The following COL6A3 variants were observed in gnomAD, a reference collection of about 807,000 sequenced individuals.
COL6A3 encodes the protein collagen type VI alpha 3 chain.
A neutral mutation model predicts 274.1 loss-of-function variants in COL6A3; 137 were observed. That is an observed-to-expected ratio of 0.50 (90% CI 0.44 to 0.58). The LOEUF (loss-of-function observed/expected upper bound fraction) is 0.58. Ranked by LOEUF, COL6A3 falls within the 20% of genes least tolerant of loss-of-function variation. The pLI is 0.00. For missense variants in COL6A3, 3,950 were observed against 4,124.9 expected (o/e 0.96, Z 1.16); for synonymous variants, 1,650 against 1,650.6 (o/e 1.00, Z 0.01).
chr2:237,353,215 G>A (rs1340533680), intron 25 of COL6A3, 126 bp downstream of exon 25: 5 of 896,640 alleles, frequency 5.6e-6, no homozygotes, highest in Non-Finnish European at 8.9e-6. Context: ...CATTGTGGAA[G>A]TACCAAATGC....
intron 1 of COL6A3, among the ~76,000 whole-genome samples, chr2:237,412,730 G>T (rs569242091): frequency 4.5e-4 from 69 of 152,332 alleles, no homozygotes; most frequent in African/African-American, 1.6e-3. Context: ...ACCCTGGGGA[G>T]CTGGGGGATC....
At position 237,351,147 on chromosome 2, in the gene COL6A3, C is replaced by T. The variant is rs749855513; in HGVS notation, c.6799G>A (p.Gly2267Ser). Residue 2267 changes from glycine (G) to serine (S), a missense_variant, in exon 27 of 44, where the codon GGT (glycine) becomes AGT (serine). This residue lies in a region of COL6A3 where 1,284 missense variants were observed against 1,349.7 expected (regional missense o/e 0.95). Coordinates refer to ENST00000295550, the MANE Select transcript of COL6A3 (RefSeq NM_004369.4). ...AGACAAACCTTTCTTCCCAGTGGAC[C>T]GGTTCTGCCTCGTTCTCCAGGAGCA... ...AGAPGERGRTGPLGRKGEPGE... is the reference protein window; with the variant it reads ...AGAPGERGRTSPLGRKGEPGE... The T allele has an allele frequency of 4.3e-6, 7 of 1,614,092 alleles. No individual in the cohort carries two copies. The highest frequency in any genetic ancestry group is 5.1e-6 in the Non-Finnish European group (6 of 1,180,032).
chr2:237,402,492 G>C lies in COL6A3; in HGVS notation c.-30-5645C>G, dbSNP rs546741376. 3.0e-4 allele frequency among the ~76,000 whole-genome samples: 46 copies of C among 152,150 alleles called. 1 individual carries two copies. The highest frequency in any genetic ancestry group is 6.0e-4 in the Non-Finnish European group (41 of 68,016). ...TAGCCATCAATTTAACAGGAATGATGTAAGTGCAGCATCTCTTTTTTGAGG... is the reference window on the plus strand; with the variant it reads ...TAGCCATCAATTTAACAGGAATGATCTAAGTGCAGCATCTCTTTTTTGAGG... On this transcript the variant is annotated intron_variant, in intron 1 of 43. Transcript: ENST00000295550.
At chr2:237,389,994 T>C (rs1260851580) in intron 3 of COL6A3, among the ~76,000 whole-genome samples, 3 of 152,142 alleles carry the variant, frequency 2.0e-5, no homozygotes, top group African/African-American at 4.8e-5. Flanking sequence ...CAGAAGGCCA[T>C]AGAAATGGCC....
chr2:237,326,779 A>G (rs1460845643), intron 42 of COL6A3: 1 of 152,236 alleles, frequency 6.6e-6, no homozygotes, highest in Non-Finnish European at 1.5e-5. Context: ...GGAGGTGGTG[A>G]GCATCTGTGC....
Position 237,372,270 on chromosome 2 carries a change from C to G in COL6A3, c.3747G>C (p.Gln1249His), listed in dbSNP as rs751272519. The change falls in exon 9 of 44, where the codon CAG (glutamine) becomes CAC (histidine). Residue 1249 changes from glutamine to histidine, a missense_variant. By Grantham distance (24) the Gln-to-His change is conservative (BLOSUM62 0). Transcript: ENST00000295550. ...GCCTCTCTATGAGGGTGCGAACGTA[C>G]TGGAACTCAGGCCCGGCACTTTGGG... Reference protein sequence around the residue: ...DGSQSAGPEFQYVRTLIERLV... With the variant: ...DGSQSAGPEFHYVRTLIERLV... The G allele has an allele frequency of 2.5e-6, 4 of 1,613,580 alleles. No individual in the cohort carries two copies. The Admixed American group carries it at 6.7e-5, about 27-fold the overall frequency.
chr2:237,371,656 A>T lies in COL6A3; in HGVS notation c.4285+76T>A. The T allele has an allele frequency of 6.6e-7, 1 of 1,517,240 alleles. No homozygotes were observed. The highest frequency in any genetic ancestry group is 8.8e-7 in the Non-Finnish European group (1 of 1,136,390). The allele number at this position is 1,517,240 out of a possible 1,614,324, so 94.0% of individuals were successfully genotyped here. A position where few individuals can be genotyped will look rare whatever the true frequency, so the allele number is the denominator to read the frequency against. ...CTTTATTTTAATTTAATTTATTATGAGTACCATGGCCTTTGAGCCTGTTAT... is the reference window on the plus strand; with the variant it reads ...CTTTATTTTAATTTAATTTATTATGTGTACCATGGCCTTTGAGCCTGTTAT... On this transcript the variant is annotated intron_variant, in intron 9 of 43. Coordinates refer to ENST00000295550, the MANE Select transcript of COL6A3 (RefSeq NM_004369.4). This position sits in a 1 kb window ranked among gnomAD's most constrained non-coding sequence, Gnocchi z 4.3.
Position 237,344,571 on chromosome 2 carries a change from T to C in COL6A3, c.7447A>G (p.Lys2483Glu), listed in dbSNP as rs139260335. Residue 2483 changes from lysine to glutamate, a missense_variant, in exon 36 of 44, where the codon AAA becomes GAA. Coordinates refer to ENST00000295550, the MANE Select transcript of COL6A3 (RefSeq NM_004369.4). This position sits in a 1 kb window ranked among gnomAD's most constrained non-coding sequence, Gnocchi z 4.8. Reference protein sequence around the residue: ...IKNLQVALTSKQQSLETAMSF... With the variant: ...IKNLQVALTSEQQSLETAMSF... Reference sequence around the variant, plus strand: ...ATGGCAGTCTCCAGACTCTGCTGTTTGGATGTCAGAGCCACCTGAAGGTTC... The same window carrying C: ...ATGGCAGTCTCCAGACTCTGCTGTTCGGATGTCAGAGCCACCTGAAGGTTC... 7.2e-4 allele frequency: 1,158 copies of C among 1,614,090 alleles called. 1 individual carries two copies. Among genetic ancestry groups the C allele is most frequent in the Non-Finnish European group, 8.8e-4 (1,036 of 1,180,032 alleles).
chr2:237,398,070 G>A lies in COL6A3; in HGVS notation c.-30-1223C>T, dbSNP rs182452395. Among the ~76,000 whole-genome samples the A allele has an allele frequency of 4.6e-5, 7 of 152,338 alleles. No individual in the cohort carries two copies. The East Asian group carries it at 5.8e-4, about 13-fold the overall frequency. ...GAAAGTTTCAGTTTATGGAGAGAAC[G>A]GGCTTTGCCCAAATTACACCAAATG... On this transcript the variant is annotated intron_variant, in intron 1 of 43. Coordinates refer to ENST00000295550, the MANE Select transcript of COL6A3 (RefSeq NM_004369.4).
At chr2:237,336,035 A>G (rs566191898) in intron 40 of COL6A3, 100 bp downstream of exon 40, 2 of 1,444,290 alleles carry the variant, frequency 1.4e-6, no homozygotes, top group African/African-American at 2.8e-5. Flanking sequence ...CAGATCAAGG[A>G]CTGTATTCTG....
Position 237,381,503 on chromosome 2 carries a change from T to C in COL6A3, c.1313-4A>G. 4 of 1,598,084 alleles carry C rather than the reference T, an allele frequency of 2.5e-6. No individual in the cohort carries two copies. Among genetic ancestry groups the C allele is most frequent in the Non-Finnish European group, 3.4e-6 (4 of 1,177,340 alleles). Reference sequence around the variant, plus strand: ...TCTCTCTTGTTGACTTCAATGACTGTAGGTGGCAACATTATAAGGCAATTA... The same window carrying C: ...TCTCTCTTGTTGACTTCAATGACTGCAGGTGGCAACATTATAAGGCAATTA... On this transcript the variant is annotated splice_polypyrimidine_tract_variant and splice_region_variant and intron_variant, in intron 4 of 43. Transcript: ENST00000295550.
chr2:237,344,781 C>T lies in COL6A3; in HGVS notation c.7237G>A (p.Val2413Ile). Residue 2413 changes from valine to isoleucine, a missense_variant, in exon 36 of 44, where the codon GTC (valine) becomes ATC (isoleucine). Val to Ile is a conservative substitution (Grantham distance 29). Around this residue, in one of 5 missense-constraint regions of COL6A3, gnomAD observed 1,284 missense variants for 1,349.7 expected, o/e 0.95. Coordinates refer to ENST00000295550, the MANE Select transcript of COL6A3 (RefSeq NM_004369.4). The surrounding 1 kb of genome is among the most constrained non-coding windows in gnomAD (Gnocchi z 4.8). ...LAFALDTSEG[V>I]NQDTFGRMRD... ...ATCCGGCCGAAAGTGTCTTGGTTGA[C>T]TCCCTCAGAGGTGTCTAAAGCAAAG... The T allele has an allele frequency of 6.2e-7, 1 of 1,604,826 alleles. No homozygotes were observed. Among genetic ancestry groups the T allele is most frequent in the Non-Finnish European group, 8.5e-7 (1 of 1,176,082 alleles).
At chr2:237,389,493 G>A (rs1240385059) in intron 3 of COL6A3, among the ~76,000 whole-genome samples, 1 of 152,148 alleles carries the variant, frequency 6.6e-6, no homozygotes, top group Non-Finnish European at 1.5e-5. Flanking sequence ...TCTTTTCAAT[G>A]ACAGTGAACA....
At chr2:237,386,967 T>C (rs118014997) in intron 4 of COL6A3, among the ~76,000 whole-genome samples, 1,850 of 152,304 alleles carry the variant, frequency 0.012, 66 homozygotes, top group Admixed American at 0.059. Flanking sequence ...CCATTTGAGC[T>C]TGTATCCTAA....
chr2:237,354,593 G>T (rs2077276580), intron 24 of COL6A3, among the ~76,000 whole-genome samples: 2 of 152,096 alleles, frequency 1.3e-5, no homozygotes, highest in Admixed American at 1.3e-4. Context: ...CTCCTCCCCT[G>T]CCTCGAGTTG....
At position 237,407,417 on chromosome 2, in the gene COL6A3, G is replaced by T. The variant is rs1037330288; in HGVS notation, c.-31+6536C>A. 6.6e-6 allele frequency among the ~76,000 whole-genome samples: 1 copy of T among 152,064 alleles called. No individual in the cohort carries two copies. The highest frequency in any genetic ancestry group is 1.5e-5 in the Non-Finnish European group (1 of 68,024). On this transcript the variant is annotated intron_variant, in intron 1 of 43. Coordinates refer to ENST00000295550, the MANE Select transcript of COL6A3 (RefSeq NM_004369.4). The surrounding 1 kb of genome is among the most constrained non-coding windows in gnomAD (Gnocchi z 4.3). ...GGATTCGAGATCTTCAACTCTTCCT[G>T]GTAAAATCTAACAAAGCAACACCTG...
At chr2:237,341,666 C>G (rs988000421) in intron 37 of COL6A3, among the ~76,000 whole-genome samples, 1 of 150,584 alleles carries the variant, frequency 6.6e-6, no homozygotes, top group Non-Finnish European at 1.5e-5. Flanking sequence ...AAACAAATCA[C>G]TAACCTAAAA....
intron 1 of COL6A3, among the ~76,000 whole-genome samples, chr2:237,404,854 C>T (rs2078682077): frequency 6.6e-6 from 1 of 152,192 alleles, no homozygotes; most frequent in African/African-American, 2.4e-5. Context: ...TCTAAGACAT[C>T]ACTCACTTAC....
chr2:237,347,730 TC>T, intron 31 of COL6A3, 76 bp downstream of exon 31: 1 of 1,422,516 alleles, frequency 7.0e-7, no homozygotes, highest in Non-Finnish European at 9.8e-7. Context: ...AGGATAATTG[TC>T]AAAGCCTCAG....
Sources: gnomAD v4.1 joint callset for allele counts (sites outside exome capture counted in the v4.1 genomes callset) on GRCh38, gnomAD v4.1.1 for gene constraint, gnomAD v4.1.1 regional missense constraint, Gnocchi (gnomAD v3.1) non-coding constraint, MANE v1.5 for transcripts, NCBI Gene and HGNC (gene_info 2026-07-23, HGNC 2026-07-21) for gene names.